CSMD1: variants seen among roughly 807,000 people sequenced by gnomAD.
CSMD1 encodes the protein CUB and sushi domain-containing protein 1.
In CSMD1, 213 loss-of-function variants were observed where a neutral mutation model predicts 417.5. The observed-to-expected ratio is 0.51, with a 90% CI of 0.46 to 0.57. CSMD1 has a LOEUF of 0.57. Among genes scored for constraint, CSMD1 ranks in the 20% least tolerant of loss-of-function variants. CSMD1 has a pLI of 0.00. For missense variants in CSMD1, 6,923 were observed against 4,529.7 expected (o/e 1.53, Z -15.17); for synonymous variants, 2,862 against 1,736.8 (o/e 1.65, Z -16.11).
At chr8:4,635,572 G>T (rs1217436633) in intron 2 of CSMD1, among the ~76,000 whole-genome samples, 1 of 152,026 alleles carries the variant, frequency 6.6e-6, no homozygotes, top group African/African-American at 2.4e-5. Context: ...TTTTTTAATG[G>T]AAAGGTAAAG....
chr8:4,988,545 C>G (rs1034037832), intron 1 of CSMD1, among the ~76,000 whole-genome samples: 1 of 152,190 alleles, frequency 6.6e-6, no homozygotes, highest in Admixed American at 6.5e-5. Context: ...CTGACTCTAA[C>G]TGAAGTTAAT....
chr8:3,488,628 G>A (rs1818191570), intron 11 of CSMD1, among the ~76,000 whole-genome samples: 1 of 152,072 alleles, frequency 6.6e-6, no homozygotes, highest in Non-Finnish European at 1.5e-5. Flanking sequence ...TTCTCTCTCT[G>A]CCTCCTCGCT....
In CSMD1 at chr8:3,321,463, CCCA is replaced by C. The variant is rs201606384; in HGVS notation, c.3632-12963_3632-12961del. Among the ~76,000 whole-genome samples the C allele has an allele frequency of 1.9e-4, 29 of 152,124 alleles. 1 individual carries two copies. Among genetic ancestry groups the C allele is most frequent in the Admixed American group, 3.9e-4 (6 of 15,278 alleles). Reference sequence around the variant, plus strand: ...CCTCCTCCCTGAATTTCCTGTGAATCCCACCACAAGTAGGCAATGACAGGTGCT... The same window carrying C: ...CCTCCTCCCTGAATTTCCTGTGAATCCCACAAGTAGGCAATGACAGGTGCT... On this transcript the variant is annotated intron_variant, in intron 23 of 69. Transcript: ENST00000635120.
chr8:4,519,742 C>CA (rs57747377), intron 2 of CSMD1, among the ~76,000 whole-genome samples: 967 of 80,354 alleles, frequency 0.012, 221 homozygotes, highest in South Asian at 0.016. Flanking sequence ...GACTTCATCT[C>CA]AAAAAAAAAA....
intron 10 of CSMD1, 151 bp downstream of exon 10, chr8:3,574,794 G>T: frequency 1.3e-6 from 1 of 782,040 alleles, no homozygotes; most frequent in South Asian, 2.2e-5. Context: ...TGCAATGAAT[G>T]TGGCATCTAG....
At chr8:3,483,299 G>T (rs1301258748) in intron 11 of CSMD1, among the ~76,000 whole-genome samples, 1 of 151,828 alleles carries the variant, frequency 6.6e-6, no homozygotes, top group African/African-American at 2.4e-5. Flanking sequence ...TAAAATAGAG[G>T]CTATTACTAC....
At chr8:3,784,267 C>G (rs773068683) in intron 5 of CSMD1, among the ~76,000 whole-genome samples, 2 of 152,104 alleles carry the variant, frequency 1.3e-5, no homozygotes, top group African/African-American at 2.4e-5. Flanking sequence ...CAGGACCTTG[C>G]TAGATTACTA....
intron 5 of CSMD1, among the ~76,000 whole-genome samples, chr8:3,780,580 C>T (rs1336680708): frequency 6.6e-6 from 1 of 152,192 alleles, no homozygotes; most frequent in Non-Finnish European, 1.5e-5. Flanking sequence ...TTCACAAATA[C>T]TAAAGTGCAT....
chr8:3,289,207 T>G lies in CSMD1; in HGVS notation c.3951-4861A>C, dbSNP rs1202534366. Among the ~76,000 whole-genome samples, 3 of 147,556 alleles carry G rather than the reference T, an allele frequency of 2.0e-5. No individual in the cohort carries two copies. In the East Asian group the frequency reaches 5.9e-4, roughly 29 times the overall value. ...TTCCATGGTGTATATGTGCCACATT[T>G]TCTTAATCCAGTCTATCGTTGTTGG... On this transcript the variant is annotated intron_variant, in intron 25 of 69. Transcript: ENST00000635120.
chr8:4,285,724 G>T (rs1451991362), intron 3 of CSMD1, among the ~76,000 whole-genome samples: 2 of 152,166 alleles, frequency 1.3e-5, no homozygotes, highest in African/African-American at 2.4e-5. Flanking sequence ...AGGGCCACAG[G>T]CTTCTCATCC....
At chr8:4,172,316 C>A (rs1008098374) in intron 3 of CSMD1, among the ~76,000 whole-genome samples, 41 of 152,132 alleles carry the variant, frequency 2.7e-4, no homozygotes, top group African/African-American at 9.2e-4. Context: ...GGTGTGGCTA[C>A]CGAGATATGA....
At position 3,859,899 on chromosome 8, in the gene CSMD1, C is replaced by A. The variant is rs887345139; in HGVS notation, c.819-105857G>T. On this transcript the variant is annotated intron_variant, in intron 5 of 69. Coordinates refer to ENST00000635120, the MANE Select transcript of CSMD1 (RefSeq NM_033225.6). ...CTTCAGATGATGTTTAACATATATT[C>A]TTCTTCTGTAATAAGCTATAACCAT... 2.0e-5 allele frequency among the ~76,000 whole-genome samples: 3 copies of A among 152,168 alleles called. 1 individual carries two copies. The highest frequency in any genetic ancestry group is 2.0e-4 in the Admixed American group (3 of 15,280).
At chr8:4,433,177 G>A (rs1797967344) in intron 2 of CSMD1, among the ~76,000 whole-genome samples, 1 of 152,234 alleles carries the variant, frequency 6.6e-6, no homozygotes, top group Middle Eastern at 3.4e-3. Flanking sequence ...ATTATGGCGA[G>A]TTGTATAACT....
chr8:3,892,725 T>TG (rs1401311688), intron 5 of CSMD1, among the ~76,000 whole-genome samples: 1 of 149,886 alleles, frequency 6.7e-6, no homozygotes, highest in Non-Finnish European at 1.5e-5. Context: ...GTTTTTTTTT[T>TG]TTTTTTTTTT....
intron 63 of CSMD1, 128 bp from the exon 64 acceptor site, chr8:2,955,896 A>T: frequency 1.7e-6 from 1 of 605,556 alleles, no homozygotes; most frequent in Non-Finnish European, 2.7e-6. Context: ...ACATATATAT[A>T]CACATATATA....
chr8:4,102,222 C>T (rs1801341685), intron 3 of CSMD1, among the ~76,000 whole-genome samples: 1 of 152,174 alleles, frequency 6.6e-6, no homozygotes, highest in Admixed American at 6.5e-5. Context: ...AGGACTCATG[C>T]CCCTTGCCCT....
chr8:3,791,049 A>G (rs1408642465), intron 5 of CSMD1, among the ~76,000 whole-genome samples: 1 of 152,230 alleles, frequency 6.6e-6, no homozygotes, highest in East Asian at 1.9e-4. Context: ...ATCATTTTTA[A>G]TATGATTTAT....
intron 7 of CSMD1, among the ~76,000 whole-genome samples, chr8:3,630,561 A>G (rs552770342): frequency 2.6e-4 from 40 of 152,278 alleles, no homozygotes; most frequent in Admixed American, 2.5e-3. Context: ...CAATTAGAGG[A>G]AGAAGGAGAG....
chr8:2,957,289 A>G (rs1357032186), intron 63 of CSMD1, among the ~76,000 whole-genome samples: 1 of 152,204 alleles, frequency 6.6e-6, no homozygotes, highest in African/African-American at 2.4e-5. Context: ...ATTTGATGTA[A>G]ATATCCTAGG....
Sources: gnomAD v4.1 joint callset for allele counts (sites outside exome capture counted in the v4.1 genomes callset) on GRCh38, gnomAD v4.1.1 for gene constraint, MANE v1.5 for transcripts, NCBI Gene and HGNC (gene_info 2026-07-23, HGNC 2026-07-21) for gene names.